The following DYNC2I2 variants were observed in gnomAD, a reference collection of about 807,000 sequenced individuals.
The protein encoded by DYNC2I2 is dynein 2 intermediate chain 2.
A neutral mutation model predicts 52.0 loss-of-function variants in DYNC2I2; 39 were observed. The observed-to-expected ratio is 0.75, with a 90% confidence interval of 0.58 to 0.98. DYNC2I2 has a LOEUF of 0.98. Ranked by LOEUF, DYNC2I2 falls within the 50% of genes least tolerant of loss-of-function variation. The pLI is 0.00. For missense variants in DYNC2I2, 743 were observed against 728.4 expected (o/e 1.02, Z -0.23); for synonymous variants, 359 against 321.1 (o/e 1.12, Z -1.26).
the DYNC2I2 span, among the ~76,000 whole-genome samples, chr9:128,679,320 G>A: frequency 2.6e-5 from 4 of 152,224 alleles, no homozygotes; most frequent in South Asian, 8.3e-4. Context: ...CAGAGTCTCA[G>A]CAGCTCAAAA....
At chr9:128,655,586 C>T (rs1249857923) in intron 1 of DYNC2I2, among the ~76,000 whole-genome samples, 2 of 147,286 alleles carry the variant, frequency 1.4e-5, no homozygotes, top group African/African-American at 5.0e-5. Context: ...CCAGCCTGGG[C>T]GACAGAGTGA....
upstream of DYNC2I2, among the ~76,000 whole-genome samples, chr9:128,658,873 C>A (rs1420471943): frequency 2.0e-5 from 3 of 151,514 alleles, no homozygotes; most frequent in African/African-American, 7.3e-5. Flanking sequence ...TACAGGCATG[C>A]ACTACCATCC....
chr9:128,682,672 CTTT>C, the DYNC2I2 span, among the ~76,000 whole-genome samples: 2 of 120,628 alleles, frequency 1.7e-5, no homozygotes, highest in Non-Finnish European at 1.7e-5. Flanking sequence ...GGGACCTTGT[CTTT>C]TTTTTTTTTT....
chr9:128,658,609 C>T (rs1454301807), upstream of DYNC2I2, among the ~76,000 whole-genome samples: 1 of 151,802 alleles, frequency 6.6e-6, no homozygotes, highest in African/African-American at 2.4e-5. Flanking sequence ...TTACAGGCAA[C>T]CGCCACCACG....
At chr9:128,665,553 G>A in the DYNC2I2 span, among the ~76,000 whole-genome samples, 1 of 151,376 alleles carries the variant, frequency 6.6e-6, no homozygotes, top group Non-Finnish European at 1.5e-5. Flanking sequence ...GTGGATCACC[G>A]GAGGTCAGGA....
intron 1 of DYNC2I2, among the ~76,000 whole-genome samples, chr9:128,649,442 A>C (rs1267121034): frequency 6.6e-6 from 1 of 152,034 alleles, no homozygotes; most frequent in East Asian, 1.9e-4. Context: ...GACCACCAGC[A>C]CTTTGGGAGG....
intron 1 of DYNC2I2, among the ~76,000 whole-genome samples, chr9:128,646,763 A>C (rs541346290): frequency 2.6e-5 from 4 of 152,356 alleles, no homozygotes; most frequent in Admixed American, 1.3e-4. Context: ...AAGGTGGATC[A>C]TTTGAGTCCA....
At chr9:128,635,901 C>T (rs1026466830) in intron 4 of DYNC2I2, 134 bp from the exon 5 acceptor site, 3 of 814,656 alleles carry the variant, frequency 3.7e-6, no homozygotes, top group Non-Finnish European at 6.0e-6. Context: ...GGAAGTCATC[C>T]CCACAGAGGG....
At chr9:128,636,232 G>C in intron 4 of DYNC2I2, 49 bp downstream of exon 4, 1 of 1,551,508 alleles carries the variant, frequency 6.4e-7, no homozygotes, top group Non-Finnish European at 8.7e-7. Context: ...CTGCAGGGCG[G>C]GAAGCTGAGT....
chr9:128,637,959 G>A (rs1384003424), intron 2 of DYNC2I2, among the ~76,000 whole-genome samples: 1 of 152,104 alleles, frequency 6.6e-6, no homozygotes, highest in African/African-American at 2.4e-5. Flanking sequence ...ACTGAGGGCC[G>A]GGCACGATGG....
In DYNC2I2 at chr9:128,655,026, C is replaced by T. The variant is rs758416257; in HGVS notation, c.186+1515G>A. ...TCCGTCTTCTTCTCTGATGAGTCCC[C>T]AACCCTTGAACCGCTCCTAGCACAC... On this transcript the variant is annotated intron_variant, in intron 1 of 8. Transcript: ENST00000372715. 4.5e-4 allele frequency among the ~76,000 whole-genome samples: 68 copies of T among 151,986 alleles called. 1 individual carries two copies. Among genetic ancestry groups the T allele is most frequent in the Non-Finnish European group, 1.8e-4 (12 of 68,004 alleles).
chr9:128,635,605 C>A, intron 5 of DYNC2I2, 53 bp downstream of exon 5: 1 of 1,506,900 alleles, frequency 6.6e-7, no homozygotes, highest in South Asian at 1.2e-5. Context: ...AGTGGGCGCC[C>A]TCTCCCCAGC....
At chr9:128,673,117 G>A in the DYNC2I2 span, among the ~76,000 whole-genome samples, 2 of 152,148 alleles carry the variant, frequency 1.3e-5, no homozygotes, top group Non-Finnish European at 2.9e-5. Context: ...TATGTGCCAG[G>A]ACTTAGCTGC....
chr9:128,683,893 A>G, the DYNC2I2 span: 1 of 1,550,308 alleles, frequency 6.5e-7, no homozygotes, highest in East Asian at 2.4e-5. Flanking sequence ...CTTCCCTAAC[A>G]GCATGGCCCC....
intron 1 of DYNC2I2, among the ~76,000 whole-genome samples, chr9:128,644,169 G>C (rs1860570060): frequency 6.6e-6 from 1 of 152,024 alleles, no homozygotes; most frequent in Non-Finnish European, 1.5e-5. Context: ...ACCACCCTAT[G>C]AAGTAAATCC....
chr9:128,663,781 T>C, the DYNC2I2 span, among the ~76,000 whole-genome samples: 3 of 150,710 alleles, frequency 2.0e-5, no homozygotes, highest in African/African-American at 7.3e-5. Flanking sequence ...GCCTCCCTAG[T>C]AGCTGGGACT....
At chr9:128,636,705 G>A (rs1303994268) in intron 3 of DYNC2I2, among the ~76,000 whole-genome samples, 1 of 152,146 alleles carries the variant, frequency 6.6e-6, no homozygotes, top group African/African-American at 2.4e-5. Context: ...CAGGCCCAGG[G>A]CCTCCAGGCA....
chr9:128,656,560 T>C lies in DYNC2I2; in HGVS notation c.167A>G (p.Gln56Arg), dbSNP rs750192253. 10 of 1,459,768 alleles carry C rather than the reference T, an allele frequency of 6.9e-6. No individual in the cohort carries two copies. In the South Asian group the frequency reaches 1.2e-4, roughly 17 times the overall value. 90.4% of individuals were successfully genotyped at this position (1,459,768 alleles called of 1,614,324 possible). ...ASVPSQWRAV[Q>R]GIRWETKSCQ... ...CCTCACCGTCTCCCAGCGGATGCCC[T>C]GGACGGCCCTCCACTGCGAGGGCAC... Residue 56 changes from glutamine (Q) to arginine (R), a missense_variant, in exon 1 of 9, where the codon CAG (glutamine) becomes CGG (arginine). Transcript: ENST00000372715.
At chr9:128,648,146 C>T (rs1860651541) in intron 1 of DYNC2I2, among the ~76,000 whole-genome samples, 1 of 152,158 alleles carries the variant, frequency 6.6e-6, no homozygotes, top group Admixed American at 6.6e-5. Context: ...CAGTGGCTCG[C>T]ACCTGTAACC....
Sources: gnomAD v4.1 joint callset for allele counts (sites outside exome capture counted in the v4.1 genomes callset) on GRCh38, gnomAD v4.1.1 for gene constraint, MANE v1.5 for transcripts, NCBI Gene and HGNC (gene_info 2026-07-23, HGNC 2026-07-21) for gene names.